TNFRSF19: variants seen among roughly 807,000 people sequenced by gnomAD.
TNFRSF19 encodes the protein tumor necrosis factor receptor superfamily member 19.
In TNFRSF19, 27 loss-of-function variants were observed where a neutral mutation model predicts 46.4. That is an observed-to-expected ratio of 0.58 (90% CI 0.43 to 0.80). The LOEUF (loss-of-function observed/expected upper bound fraction) is 0.80, where lower values mean the gene tolerates loss of function less well. TNFRSF19 is among the 30% of genes least tolerant of loss of function. The pLI, the probability that TNFRSF19 is intolerant of heterozygous loss-of-function variation, is 0.00. For missense variants in TNFRSF19, 511 were observed against 530.8 expected (o/e 0.96, Z 0.37); for synonymous variants, 204 against 205.0 (o/e 1.00, Z 0.04).
At chr13:23,587,163 C>T (rs1034853790) in intron 1 of TNFRSF19, among the ~76,000 whole-genome samples, 1 of 152,046 alleles carries the variant, frequency 6.6e-6, no homozygotes, top group Non-Finnish European at 1.5e-5. Context: ...TGGGCCAGAC[C>T]TTGAATGTCC....
intron 9 of TNFRSF19, 117 bp from the exon 10 acceptor site, chr13:23,673,255 T>C (rs1951784733): frequency 9.1e-7 from 1 of 1,102,530 alleles, no homozygotes; most frequent in Non-Finnish European, 1.3e-6. Context: ...TATGCTATTA[T>C]TATATCCATG....
At chr13:23,590,084 T>C (rs989895111) in intron 1 of TNFRSF19, 66 bp from the exon 2 acceptor site, 1 of 731,766 alleles carries the variant, frequency 1.4e-6, no homozygotes, top group East Asian at 2.9e-5. Flanking sequence ...GTAGATATTA[T>C]ATAGTAAACA....
intron 5 of TNFRSF19, among the ~76,000 whole-genome samples, chr13:23,648,848 T>C (rs117612424): frequency 0.022 from 3,317 of 152,344 alleles, 41 homozygotes; most frequent in Middle Eastern, 0.051. Flanking sequence ...TGTGTATTTT[T>C]CCCCTTTATT....
chr13:23,658,944 T>G, intron 5 of TNFRSF19, 106 bp from the exon 6 acceptor site: 1 of 1,451,332 alleles, frequency 6.9e-7, no homozygotes, highest in Non-Finnish European at 9.5e-7. Context: ...CATGCCAGTT[T>G]TCTCACAGCA....
In TNFRSF19 at chr13:23,591,818, CAGTTTCA is replaced by C. The variant is rs1434708456; in HGVS notation, c.70-1523_70-1517del. 3.3e-5 allele frequency among the ~76,000 whole-genome samples: 5 copies of C among 151,628 alleles called. No individual in the cohort carries two copies. The South Asian group carries it at 6.3e-4, about 19-fold the overall frequency. Reference sequence around the variant, plus strand: ...TTGGCTCACTGCAACCTCCGCTTCCCAGTTTCAAGTGATTCTCCTGCCTCAGCCCTTG... The same window carrying C: ...TTGGCTCACTGCAACCTCCGCTTCCCAGTGATTCTCCTGCCTCAGCCCTTG... On this transcript the variant is annotated intron_variant, in intron 2 of 9. Transcript: ENST00000248484.
At position 23,615,953 on chromosome 13, in the gene TNFRSF19, C is replaced by T. The variant is rs770285140; in HGVS notation, c.267C>T (p.Cys89=). The T allele has an allele frequency of 6.2e-7, 1 of 1,614,000 alleles. No homozygotes were observed. Among genetic ancestry groups the T allele is most frequent in the Non-Finnish European group, 8.5e-7 (1 of 1,179,912 alleles). The change falls in exon 4 of 10, where the codon TGC becomes TGT. Residue 89 remains cysteine (C), a synonymous_variant. Transcript: ENST00000248484. ...RFKEDWGFQK[C]KPCLDCAVVN... is the part of the protein sequence containing the mutation. ...AGGAGGACTGGGGCTTCCAGAAATGCAAGCCCTGTCTGGACTGCGCAGTGG... is the reference window on the plus strand; with the variant it reads ...AGGAGGACTGGGGCTTCCAGAAATGTAAGCCCTGTCTGGACTGCGCAGTGG...
chr13:23,643,247 C>T (rs182838058), intron 5 of TNFRSF19, among the ~76,000 whole-genome samples: 1 of 152,320 alleles, frequency 6.6e-6, no homozygotes, highest in East Asian at 1.9e-4. Flanking sequence ...AAAGAAGTTT[C>T]TGCTTTTCTA....
At chr13:23,648,395 C>G (rs1883447602) in intron 5 of TNFRSF19, among the ~76,000 whole-genome samples, 1 of 152,002 alleles carries the variant, frequency 6.6e-6, no homozygotes, top group African/African-American at 2.4e-5. Context: ...ATTGTTCATG[C>G]CTAGTGTATA....
chr13:23,606,612 T>C (rs1371649238), intron 3 of TNFRSF19, among the ~76,000 whole-genome samples: 1 of 152,210 alleles, frequency 6.6e-6, no homozygotes, highest in South Asian at 2.1e-4. Flanking sequence ...GAAAAAAAAG[T>C]GACACTTAAA....
intron 1 of TNFRSF19, among the ~76,000 whole-genome samples, chr13:23,587,357 C>G (rs1878918236): frequency 6.6e-6 from 1 of 152,088 alleles, no homozygotes; most frequent in Admixed American, 6.5e-5. Context: ...CCTCCACCAG[C>G]TAAATTGTTT....
At chr13:23,652,457 A>G (rs1451466850) in intron 5 of TNFRSF19, among the ~76,000 whole-genome samples, 1 of 152,220 alleles carries the variant, frequency 6.6e-6, no homozygotes. Flanking sequence ...TTTGGCATAT[A>G]ATAAGATCCT....
chr13:23,656,833 G>A (rs1215861729), intron 5 of TNFRSF19, among the ~76,000 whole-genome samples: 1 of 152,110 alleles, frequency 6.6e-6, no homozygotes, highest in Non-Finnish European at 1.5e-5. Flanking sequence ...CAACTTGCGT[G>A]GGATGCAAGT....
chr13:23,589,334 G>T (rs1401616476), intron 1 of TNFRSF19, among the ~76,000 whole-genome samples: 1 of 152,156 alleles, frequency 6.6e-6, no homozygotes, highest in Non-Finnish European at 1.5e-5. Flanking sequence ...TTAGGTTAGT[G>T]CCTGTGATTT....
intron 3 of TNFRSF19, chr13:23,594,444 T>C (rs1162238940): frequency 3.7e-6 from 1 of 269,698 alleles, no homozygotes; most frequent in African/African-American, 2.3e-5. Context: ...TTACTGAGGA[T>C]TGAGTAGGTG....
chr13:23,596,694 C>T (rs1004437034), intron 3 of TNFRSF19, among the ~76,000 whole-genome samples: 10 of 152,096 alleles, frequency 6.6e-5, no homozygotes, highest in South Asian at 2.1e-4. Flanking sequence ...GACAGATCAA[C>T]GAGACAGAAA....
intron 5 of TNFRSF19, among the ~76,000 whole-genome samples, chr13:23,643,028 G>A (rs919351140): frequency 6.6e-6 from 1 of 152,198 alleles, no homozygotes; most frequent in Non-Finnish European, 1.5e-5. Flanking sequence ...GTAATTAAAA[G>A]CAACTATTCT....
intron 5 of TNFRSF19, among the ~76,000 whole-genome samples, chr13:23,637,229 A>G (rs1357129223): frequency 6.6e-6 from 1 of 152,196 alleles, no homozygotes; most frequent in East Asian, 1.9e-4. Flanking sequence ...TTTTCTCATA[A>G]CTATCTCAGT....
chr13:23,673,376 C>G lies in TNFRSF19; in HGVS notation c.1250C>G (p.Ala417Gly). ...TCCTTTCTGTTGCTGTTTTAGGAAG[C>G]TTAAAGAACCTGCTTCTTTCTGCAG... ...HPATQTSLQE[A>G] The change falls in exon 10 of 10, where the codon GCT (alanine) becomes GGT (glycine). Residue 417 changes from alanine to glycine, a missense_variant. By Grantham distance (60) the Ala-to-Gly change is moderately conservative. Coordinates refer to ENST00000248484, the MANE Select transcript of TNFRSF19 (RefSeq NM_148957.4). The G allele has an allele frequency of 6.2e-7, 1 of 1,604,064 alleles. No individual in the cohort carries two copies. Among genetic ancestry groups the G allele is most frequent in the African/African-American group, 1.3e-5 (1 of 74,818 alleles).
chr13:23,587,208 G>T (rs1196276093), intron 1 of TNFRSF19, among the ~76,000 whole-genome samples: 1 of 152,038 alleles, frequency 6.6e-6, no homozygotes, highest in Non-Finnish European at 1.5e-5. Flanking sequence ...ATAACCTTTT[G>T]ATTGCCTTAT....
Sources: allele counts gnomAD v4.1 joint callset (sites outside exome capture counted in the v4.1 genomes callset), GRCh38; gene constraint gnomAD v4.1.1; transcripts MANE v1.5; gene names NCBI Gene and HGNC (gene_info 2026-07-23, HGNC 2026-07-21).